POTEH: variants seen among roughly 807,000 people sequenced by gnomAD.
POTEH encodes the protein POTE ankyrin domain family member H.
A neutral mutation model predicts 41.7 loss-of-function variants in POTEH; 6 were observed. The observed-to-expected ratio is 0.14, with a 90% CI of 0.08 to 0.28. The LOEUF is 0.28. Ranked by LOEUF, POTEH falls within the 10% of genes least tolerant of loss-of-function variation. POTEH has a pLI of 1.00. For missense variants in POTEH, 115 were observed against 533.5 expected (o/e 0.22, Z 7.73); for synonymous variants, 38 against 179.9 (o/e 0.21, Z 6.31).
intron 9 of POTEH, among the ~76,000 whole-genome samples, chr22:15,713,335 T>C (rs1196137626): frequency 2.0e-4 from 30 of 152,310 alleles, no homozygotes; most frequent in African/African-American, 7.2e-4. Context: ...GAGGGCATCT[T>C]CTCCCTAACG....
chr22:15,710,288 T>C (rs1279267326), intron 8 of POTEH, among the ~76,000 whole-genome samples: 3 of 152,282 alleles, frequency 2.0e-5, no homozygotes, highest in Non-Finnish European at 2.9e-5. Flanking sequence ...GAAACTTTGG[T>C]TCCCATGTTT....
chr22:15,703,587 T>A (rs889399465), intron 6 of POTEH, among the ~76,000 whole-genome samples: 4 of 142,452 alleles, frequency 2.8e-5, no homozygotes, highest in Admixed American at 2.8e-4. Flanking sequence ...TCATAATAAA[T>A]ATGCAAATTG....
intron 1 of POTEH, among the ~76,000 whole-genome samples, chr22:15,691,082 G>T (rs1357308923): frequency 6.9e-6 from 1 of 144,060 alleles, no homozygotes; most frequent in Non-Finnish European, 1.6e-5. Context: ...ATCAACTTCA[G>T]GGCTAAATAT....
Position 15,690,588 on chromosome 22 carries a change from C to T in POTEH, c.511C>T (p.His171Tyr), listed in dbSNP as rs373768343. The change falls in exon 1 of 11, where the codon CAC becomes TAC. Residue 171 changes from histidine to tyrosine, a missense_variant. His to Tyr is a moderately conservative substitution (Grantham distance 83). Coordinates refer to ENST00000343518, the MANE Select transcript of POTEH (RefSeq NM_001136213.1). ...CAGCGCTTTCATGGAGCCGAGGTACCACGTCCGTCGAGAAGATCTGGACAA... is the reference window on the plus strand; with the variant it reads ...CAGCGCTTTCATGGAGCCGAGGTACTACGTCCGTCGAGAAGATCTGGACAA... Reference protein sequence around the residue: ...DDSAFMEPRYHVRREDLDKLH... With the variant: ...DDSAFMEPRYYVRREDLDKLH... The T allele has an allele frequency of 1.5e-5, 21 of 1,425,142 alleles. 1 individual carries two copies. In the African/African-American group the frequency reaches 1.5e-4, roughly 10 times the overall value. The allele number at this position is 1,425,142 out of a possible 1,614,324, so 88.3% of individuals were successfully genotyped here. A position where few individuals can be genotyped will look rare whatever the true frequency, so the allele number is the denominator to read the frequency against.
Position 15,717,330 on chromosome 22 carries a change from A to G in POTEH, c.1521-2330A>G, listed in dbSNP as rs1320182170. On this transcript the variant is annotated intron_variant, in intron 9 of 10. Coordinates refer to ENST00000343518, the MANE Select transcript of POTEH (RefSeq NM_001136213.1). ...AGCTATCCAGAAATGAGAATGCTGG[A>G]TAAAATGGTAGGATCTATTTTTAGT... is the stretch of plus-strand genomic sequence containing the variant. Among the ~76,000 whole-genome samples, 3 of 93,516 alleles carry G rather than the reference A, an allele frequency of 3.2e-5. 1 individual carries two copies. Among genetic ancestry groups the G allele is most frequent in the African/African-American group, 1.0e-4 (3 of 30,046 alleles). 61.4% of individuals were successfully genotyped at this position (93,516 alleles called of 152,430 possible). A position where few individuals can be genotyped will look rare whatever the true frequency, so the allele number is the denominator to read the frequency against.
intron 1 of POTEH, among the ~76,000 whole-genome samples, chr22:15,693,119 G>A (rs1403055747): frequency 1.6e-5 from 2 of 128,246 alleles, no homozygotes; most frequent in African/African-American, 5.5e-5. Flanking sequence ...GCTATAGCAA[G>A]TGAGAAAAAA....
intron 9 of POTEH, among the ~76,000 whole-genome samples, chr22:15,713,394 T>G (rs1454432124): frequency 6.6e-6 from 1 of 152,310 alleles, no homozygotes. Context: ...CTTTTACTCC[T>G]GCCTTTCTAG....
intron 1 of POTEH, among the ~76,000 whole-genome samples, chr22:15,692,086 A>G (rs1989333733): frequency 7.5e-6 from 1 of 133,964 alleles, no homozygotes; most frequent in African/African-American, 2.6e-5. Context: ...GCTCACTGCA[A>G]CCTCTGCCTC....
Position 15,690,748 on chromosome 22 carries a change from G to A in POTEH, c.632+39G>A, listed in dbSNP as rs142611479. 1.3e-3 allele frequency: 1,783 copies of A among 1,395,316 alleles called. 59 individuals carry two copies. In the African/African-American group the frequency reaches 0.021, roughly 16 times the overall value. 86.4% of individuals were successfully genotyped at this position (1,395,316 alleles called of 1,614,324 possible). Reference sequence around the variant, plus strand: ...GGCTGGGAGGAGGTGGGATGTGGGAGGATGATGGGGACATACCCTCCTGGC... The same window carrying A: ...GGCTGGGAGGAGGTGGGATGTGGGAAGATGATGGGGACATACCCTCCTGGC... On this transcript the variant is annotated intron_variant, in intron 1 of 10. Coordinates refer to ENST00000343518, the MANE Select transcript of POTEH (RefSeq NM_001136213.1).
intron 9 of POTEH, among the ~76,000 whole-genome samples, chr22:15,714,354 G>A (rs1473904116): frequency 1.3e-5 from 2 of 152,328 alleles, no homozygotes; most frequent in African/African-American, 4.8e-5. Context: ...CAGCCCTTCT[G>A]ATTGCCTCCC....
chr22:15,707,557 AT>A (rs1989700566), intron 6 of POTEH, among the ~76,000 whole-genome samples: 1 of 27,672 alleles, frequency 3.6e-5, no homozygotes, highest in African/African-American at 1.7e-4. Flanking sequence ...ACCCTGGCTC[AT>A]TAAAAAAAAA....
intron 1 of POTEH, among the ~76,000 whole-genome samples, chr22:15,692,004 ATAT>A (rs1989330101): frequency 3.9e-5 from 5 of 127,636 alleles, no homozygotes; most frequent in African/African-American, 8.3e-5. Flanking sequence ...ATATATATAT[ATAT>A]AAATTTCTTT....
intron 6 of POTEH, among the ~76,000 whole-genome samples, chr22:15,704,439 A>C (rs1989628607): frequency 1.1e-5 from 1 of 90,078 alleles, no homozygotes. Flanking sequence ...AGACATTTTA[A>C]TACTACAGAA....
chr22:15,691,147 T>G, intron 1 of POTEH, among the ~76,000 whole-genome samples: 1 of 139,824 alleles, frequency 7.2e-6, no homozygotes, highest in Non-Finnish European at 1.6e-5. Context: ...TGTAAATATG[T>G]TCTTTACTGA....
intron 7 of POTEH, among the ~76,000 whole-genome samples, chr22:15,708,912 C>T (rs1989739822): frequency 6.7e-6 from 1 of 150,154 alleles, no homozygotes; most frequent in Non-Finnish European, 1.5e-5. Flanking sequence ...GATTGAAAAT[C>T]TGCAGTTTTA....
Position 15,708,096 on chromosome 22 carries a change from GAAACTCTTAAATTT to G in POTEH, c.1308+12_1308+25del. 8.7e-7 allele frequency: 1 copy of G among 1,143,956 alleles called. No homozygotes were observed. Among genetic ancestry groups the G allele is most frequent in the Non-Finnish European group, 1.1e-6 (1 of 899,116 alleles). The allele number at this position is 1,143,956 out of a possible 1,614,324, so 70.9% of individuals were successfully genotyped here. A position where few individuals can be genotyped will look rare whatever the true frequency, so the allele number is the denominator to read the frequency against. On this transcript the variant is annotated splice_region_variant and intron_variant, in intron 7 of 10. Transcript: ENST00000343518. Reference sequence around the variant, plus strand: ...GTGAAAATAGCCAGCCAGAGGCATGGAAACTCTTAAATTTAAACTTTTGGTTTAACGTTTTTTAT... The same window carrying G: ...GTGAAAATAGCCAGCCAGAGGCATGGAAACTTTTGGTTTAACGTTTTTTAT...
rs1347445678 is a variant in POTEH, at chr22:15,691,946, C to G, written c.632+1237C>G. Among the ~76,000 whole-genome samples, 14 of 144,574 alleles carry G rather than the reference C, an allele frequency of 9.7e-5. No individual in the cohort carries two copies. The East Asian group carries it at 2.9e-3, about 30-fold the overall frequency. 94.8% of individuals were successfully genotyped at this position (144,574 alleles called of 152,430 possible). ...TTAAATATACAAAAAGAGAAACATA[C>G]CAGAAGAAAACACAAGTGCCTATTT... On this transcript the variant is annotated intron_variant, in intron 1 of 10. Coordinates refer to ENST00000343518, the MANE Select transcript of POTEH (RefSeq NM_001136213.1).
At chr22:15,691,981 G>GATATATATATATATATAT (rs1403078945) in intron 1 of POTEH, among the ~76,000 whole-genome samples, 31 of 122,874 alleles carry the variant, frequency 2.5e-4, no homozygotes, top group South Asian at 1.1e-3. Flanking sequence ...TACATATGCA[G>GATATATATATATATATAT]ATACATATAT....
intron 1 of POTEH, among the ~76,000 whole-genome samples, chr22:15,691,772 T>G (rs1289089529): frequency 4.0e-5 from 6 of 148,518 alleles, no homozygotes; most frequent in African/African-American, 1.2e-4. Flanking sequence ...AACAGGAAAT[T>G]TAGAAATACC....
Sources: allele counts gnomAD v4.1 joint callset (sites outside exome capture counted in the v4.1 genomes callset), GRCh38; gene constraint gnomAD v4.1.1; transcripts MANE v1.5; gene names NCBI Gene and HGNC (gene_info 2026-07-23, HGNC 2026-07-21).